Variants in WDR27 observed in about 807,000 individuals in gnomAD.
The protein encoded by WDR27 is WD repeat domain 27.
In WDR27, 100 loss-of-function variants were observed where a neutral mutation model predicts 114.4. The ratio of observed to expected loss-of-function variants is 0.87; its 90% CI spans 0.74 to 1.03. WDR27 has a LOEUF of 1.03. WDR27 is among the 50% of genes least tolerant of loss of function. The pLI, the probability that WDR27 is intolerant of heterozygous loss-of-function variation, is 0.00. For missense variants in WDR27, 1,129 were observed against 1,092.9 expected (o/e 1.03, Z -0.47); for synonymous variants, 449 against 423.1 (o/e 1.06, Z -0.75).
At chr6:169,501,814 C>A (rs1165410956) in intron 25 of WDR27, among the ~76,000 whole-genome samples, 1 of 152,212 alleles carries the variant, frequency 6.6e-6, no homozygotes, top group African/African-American at 2.4e-5. Context: ...CTGGTGGAGA[C>A]GGGCGCGCCC....
intron 13 of WDR27, among the ~76,000 whole-genome samples, chr6:169,653,318 A>G (rs1823116726): frequency 6.6e-6 from 1 of 152,260 alleles, no homozygotes; most frequent in African/African-American, 2.4e-5. Context: ...GTTATTAATT[A>G]AGCAAATGGT....
At chr6:169,440,690 G>A in the WDR27 span, among the ~76,000 whole-genome samples, 2 of 151,954 alleles carry the variant, frequency 1.3e-5, no homozygotes, top group South Asian at 2.1e-4. Flanking sequence ...AATCATACCC[G>A]ATATGAATAA....
At chr6:169,442,308 C>A in the WDR27 span, among the ~76,000 whole-genome samples, 1 of 152,186 alleles carries the variant, frequency 6.6e-6, no homozygotes, top group African/African-American at 2.4e-5. Flanking sequence ...AATTTAGACT[C>A]AAGTAACTGC....
chr6:169,577,685 GC>G (rs1301389524), intron 24 of WDR27, among the ~76,000 whole-genome samples: 1 of 152,218 alleles, frequency 6.6e-6, no homozygotes, highest in Non-Finnish European at 1.5e-5. Flanking sequence ...CGGGAAACCG[GC>G]CTTTTCCTCC....
At chr6:169,438,651 G>A in the WDR27 span, among the ~76,000 whole-genome samples, 673 of 152,124 alleles carry the variant, frequency 4.4e-3, 3 homozygotes, top group African/African-American at 0.014. Context: ...ACATACTCTC[G>A]CAGTATCTAA....
intron 25 of WDR27, among the ~76,000 whole-genome samples, chr6:169,543,545 T>C (rs1245125399): frequency 6.6e-6 from 1 of 152,180 alleles, no homozygotes; most frequent in Non-Finnish European, 1.5e-5. Flanking sequence ...CCTTTTAACA[T>C]AACTTATTTT....
chr6:169,463,320 T>G (rs1364974582), intron 25 of WDR27, among the ~76,000 whole-genome samples: 1 of 152,212 alleles, frequency 6.6e-6, no homozygotes, highest in Admixed American at 6.5e-5. Flanking sequence ...TAGGCACTTC[T>G]TAAAGGTCCC....
intron 25 of WDR27, among the ~76,000 whole-genome samples, chr6:169,486,642 C>T (rs561202108): frequency 1.3e-5 from 2 of 152,142 alleles, no homozygotes; most frequent in Non-Finnish European, 2.9e-5. Flanking sequence ...TGGGCAAATG[C>T]CACCACGCCC....
the WDR27 span, among the ~76,000 whole-genome samples, chr6:169,428,215 A>T: frequency 2.0e-5 from 3 of 152,068 alleles, no homozygotes; most frequent in Non-Finnish European, 4.4e-5. Flanking sequence ...TCCAGTGGAG[A>T]GCTAGAAGAC....
At chr6:169,623,528 A>G (rs1813864258) in intron 21 of WDR27, among the ~76,000 whole-genome samples, 1 of 151,730 alleles carries the variant, frequency 6.6e-6, no homozygotes, top group African/African-American at 2.4e-5. Context: ...TGACGGCACC[A>G]CTCACCGGGC....
intron 13 of WDR27, among the ~76,000 whole-genome samples, chr6:169,656,103 C>T (rs1202272465): frequency 1.4e-4 from 22 of 151,880 alleles, no homozygotes; most frequent in Non-Finnish European, 3.1e-4. Flanking sequence ...GGTGGTCCCC[C>T]AGTGTGGCTG....
Position 169,659,212 on chromosome 6 carries a change from A to C in WDR27, c.1198-5T>G, listed in dbSNP as rs368319681. The C allele has an allele frequency of 7.7e-5, 122 of 1,589,616 alleles. No homozygotes were observed. The highest frequency in any genetic ancestry group is 1.7e-4 in the Middle Eastern group (1 of 5,920). Reference sequence around the variant, plus strand: ...GGAGGCCAGCAAGCACAGCACCTGCAGGGACGCGGTTTCAACATCGTTAGC... The same window carrying C: ...GGAGGCCAGCAAGCACAGCACCTGCCGGGACGCGGTTTCAACATCGTTAGC... On this transcript the variant is annotated splice_region_variant and splice_polypyrimidine_tract_variant and intron_variant, in intron 11 of 25. Transcript: ENST00000448612. This position sits in a 1 kb window ranked among gnomAD's most constrained non-coding sequence, Gnocchi z 4.3.
intron 25 of WDR27, among the ~76,000 whole-genome samples, chr6:169,529,388 A>G (rs189211517): frequency 1.4e-5 from 2 of 140,440 alleles, no homozygotes; most frequent in African/African-American, 5.1e-5. Flanking sequence ...TTGTCTATTT[A>G]TAGTTTCTAT....
At position 169,639,405 on chromosome 6, in the gene WDR27, A is replaced by C. The variant is rs181753716; in HGVS notation, c.1748-745T>G. On this transcript the variant is annotated intron_variant, in intron 17 of 25. Transcript: ENST00000448612. Reference sequence around the variant, plus strand: ...CATTTAGTATTATGAACTACAGTATAGAAATCTGTGGACTCCATGATAATG... The same window carrying C: ...CATTTAGTATTATGAACTACAGTATCGAAATCTGTGGACTCCATGATAATG... Among the ~76,000 whole-genome samples the C allele has an allele frequency of 6.6e-5, 10 of 152,328 alleles. No homozygotes were observed. The East Asian group carries it at 1.9e-3, about 29-fold the overall frequency.
chr6:169,530,159 T>C (rs1207917269), intron 25 of WDR27, among the ~76,000 whole-genome samples: 7 of 152,210 alleles, frequency 4.6e-5, no homozygotes, highest in Non-Finnish European at 5.9e-5. Context: ...TATCTTCCAC[T>C]GGCCAGATAC....
chr6:169,599,863 T>C (rs1379504193), intron 23 of WDR27, among the ~76,000 whole-genome samples: 2 of 152,146 alleles, frequency 1.3e-5, no homozygotes, highest in Non-Finnish European at 2.9e-5. Flanking sequence ...AGGGTGTCAA[T>C]TTTTAGATCT....
Position 169,560,123 on chromosome 6 carries a change from T to A in WDR27, c.2645+12296A>T, listed in dbSNP as rs544677501. 5.9e-5 allele frequency among the ~76,000 whole-genome samples: 9 copies of A among 152,226 alleles called. No homozygotes were observed. The East Asian group carries it at 1.5e-3, about 26-fold the overall frequency. The stretch of plus-strand genomic sequence containing the variant: ...TATCTCCCAGAATTCCCACAAGTTG[T>A]GGGAGGGACCCAGGGGAAGGTAACT... On this transcript the variant is annotated intron_variant, in intron 25 of 25. Coordinates refer to ENST00000448612, the MANE Select transcript of WDR27 (RefSeq NM_182552.5).
intron 25 of WDR27, among the ~76,000 whole-genome samples, chr6:169,571,914 G>C (rs1207994521): frequency 6.6e-6 from 1 of 152,194 alleles, no homozygotes; most frequent in East Asian, 1.9e-4. Flanking sequence ...TCTCTCGACA[G>C]AGCAATTAAC....
At chr6:169,498,028 A>G (rs965104485) in intron 25 of WDR27, among the ~76,000 whole-genome samples, 15 of 152,196 alleles carry the variant, frequency 9.9e-5, no homozygotes, top group Non-Finnish European at 1.5e-4. Context: ...ATGGATGAGT[A>G]TATAAGCAAA....
Sources: gnomAD v4.1 joint callset for allele counts (sites outside exome capture counted in the v4.1 genomes callset) on GRCh38, gnomAD v4.1.1 for gene constraint, Gnocchi (gnomAD v3.1) non-coding constraint, MANE v1.5 for transcripts, NCBI Gene and HGNC (gene_info 2026-07-23, HGNC 2026-07-21) for gene names.